Variants in EPHA3 observed in about 807,000 individuals in gnomAD.
The protein encoded by EPHA3 is EPH receptor A3, also known as ephrin type-A receptor 3.
A neutral mutation model predicts 107.1 loss-of-function variants in EPHA3; 42 were observed. That is an observed-to-expected ratio of 0.39 (90% CI 0.31 to 0.51). EPHA3 has a LOEUF of 0.51. Ranked by LOEUF, EPHA3 falls within the 20% of genes least tolerant of loss-of-function variation. The pLI is 0.78. For missense variants in EPHA3, 1,183 were observed against 1,211.2 expected (o/e 0.98, Z 0.35); for synonymous variants, 461 against 424.8 (o/e 1.09, Z -1.05).
At chr3:89,134,154 T>C (rs1704261731) in intron 2 of EPHA3, among the ~76,000 whole-genome samples, 1 of 151,970 alleles carries the variant, frequency 6.6e-6, no homozygotes, top group South Asian at 2.1e-4. Context: ...CAACCTCTTG[T>C]GCAGTTGTAA....
intron 3 of EPHA3, among the ~76,000 whole-genome samples, chr3:89,333,908 C>A (rs1488699415): frequency 6.6e-6 from 1 of 151,900 alleles, no homozygotes; most frequent in Admixed American, 6.6e-5. Flanking sequence ...AACCTCACTG[C>A]AGACTAACAG....
chr3:89,467,755 A>C (rs1012743816), intron 15 of EPHA3, among the ~76,000 whole-genome samples: 1 of 152,194 alleles, frequency 6.6e-6, no homozygotes, highest in Non-Finnish European at 1.5e-5. Flanking sequence ...AAGAGAGAGA[A>C]AGAAAGGGAA....
intron 3 of EPHA3, among the ~76,000 whole-genome samples, chr3:89,317,203 C>T (rs1444213117): frequency 6.6e-6 from 1 of 151,762 alleles, no homozygotes; most frequent in African/African-American, 2.4e-5. Context: ...TTCAAAACAT[C>T]TCAACAATTA....
rs1709959112 is a variant in EPHA3 at position 89,450,234 on chromosome 3, G to T, written c.2554G>T (p.Ala852Ser). Residue 852 changes from alanine (A) to serine (S), a missense_variant, in exon 15 of 17, where the codon GCC becomes TCC. Physicochemically the swap from Ala to Ser is moderately conservative, Grantham distance 99. Coordinates refer to ENST00000336596, the MANE Select transcript of EPHA3 (RefSeq NM_005233.6). ...RLPPPMDCPA[A>S]LYQLMLDCWQ... ...GCCACCCCCCATGGACTGCCCAGCT[G>T]CCTTGTATCAGCTGATGCTGGACTG... 1 of 1,613,736 alleles carries T rather than the reference G, an allele frequency of 6.2e-7. No individual in the cohort carries two copies.
intron 3 of EPHA3, among the ~76,000 whole-genome samples, chr3:89,270,042 G>T (rs954583370): frequency 1.3e-5 from 2 of 151,752 alleles, no homozygotes; most frequent in African/African-American, 2.4e-5. Context: ...CGATGGGGCT[G>T]CCAAAAGGAC....
intron 3 of EPHA3, among the ~76,000 whole-genome samples, chr3:89,318,009 T>G (rs1425868458): frequency 6.6e-6 from 1 of 151,826 alleles, no homozygotes; most frequent in Non-Finnish European, 1.5e-5. Flanking sequence ...AGGTTAGGAA[T>G]GAATTAATTT....
intron 2 of EPHA3, among the ~76,000 whole-genome samples, chr3:89,163,349 T>G (rs191734828): frequency 6.6e-6 from 1 of 152,280 alleles, no homozygotes; most frequent in East Asian, 1.9e-4. Context: ...TTTAGTTTGA[T>G]ACTAAATACT....
At chr3:89,276,789 A>G (rs1360604951) in intron 3 of EPHA3, among the ~76,000 whole-genome samples, 7 of 152,220 alleles carry the variant, frequency 4.6e-5, no homozygotes, top group Non-Finnish European at 5.9e-5. Context: ...GTTTTTCTAT[A>G]GCACTAAAAG....
intron 2 of EPHA3, among the ~76,000 whole-genome samples, chr3:89,171,429 G>T (rs1251398278): frequency 6.6e-6 from 1 of 152,098 alleles, no homozygotes; most frequent in East Asian, 1.9e-4. Flanking sequence ...GTACAATGAA[G>T]CAAGCAATGG....
chr3:89,164,669 AG>A (rs978209313), intron 2 of EPHA3, among the ~76,000 whole-genome samples: 3 of 152,114 alleles, frequency 2.0e-5, no homozygotes, highest in African/African-American at 7.2e-5. Context: ...TGGAGAAAAA[AG>A]ATTAAGTAGG....
At position 89,107,631 on chromosome 3, in the gene EPHA3, T is replaced by C; in HGVS notation, c.-118T>C. On this transcript the variant is annotated 5_prime_UTR_variant, in exon 1 of 17. Transcript: ENST00000336596. ...CTCCTCCTTATCTCCAGTGTCAAAC[T>C]TGACATCAGCCTGCGAGCGGAGCAT... 3.1e-6 allele frequency: 3 copies of C among 970,340 alleles called. No individual in the cohort carries two copies. Among genetic ancestry groups the C allele is most frequent in the Non-Finnish European group, 4.8e-6 (3 of 625,862 alleles). 60.1% of individuals were successfully genotyped at this position (970,340 alleles called of 1,614,324 possible).
chr3:89,459,259 A>G (rs549524894), intron 15 of EPHA3, among the ~76,000 whole-genome samples: 1 of 152,318 alleles, frequency 6.6e-6, no homozygotes, highest in South Asian at 2.1e-4. Context: ...GGAATAATAT[A>G]TATTACATTG....
intron 3 of EPHA3, among the ~76,000 whole-genome samples, chr3:89,323,794 T>A (rs544020894): frequency 6.6e-6 from 1 of 152,248 alleles, no homozygotes; most frequent in Non-Finnish European, 1.5e-5. Flanking sequence ...AATATTTTAT[T>A]GAATTATTTT....
At position 89,367,392 on chromosome 3, in the gene EPHA3, G is replaced by C. The variant is rs189857439; in HGVS notation, c.1306+25302G>C. Among the ~76,000 whole-genome samples the C allele has an allele frequency of 5.0e-4, 75 of 150,596 alleles. 4 individuals are homozygous for C. The highest frequency in any genetic ancestry group is 7.4e-5 in the Non-Finnish European group (5 of 67,156). On this transcript the variant is annotated intron_variant, in intron 5 of 16. Coordinates refer to ENST00000336596, the MANE Select transcript of EPHA3 (RefSeq NM_005233.6). ...AGCTGGCCTCCCGTGTACCCACATAGGAATCAGTTTCTAGCTCTGTCACTG... is the reference window on the plus strand; with the variant it reads ...AGCTGGCCTCCCGTGTACCCACATACGAATCAGTTTCTAGCTCTGTCACTG...
intron 7 of EPHA3, among the ~76,000 whole-genome samples, chr3:89,402,508 A>T (rs115702696): frequency 1.4e-3 from 213 of 151,964 alleles, no homozygotes; most frequent in Non-Finnish European, 2.5e-3. Context: ...AAAAGACAAA[A>T]TTTTTTTTGT....
chr3:89,425,573 T>C (rs1313874204), intron 11 of EPHA3, among the ~76,000 whole-genome samples: 1 of 151,496 alleles, frequency 6.6e-6, no homozygotes, highest in Non-Finnish European at 1.5e-5. Flanking sequence ...GTTAATAGCA[T>C]TTCCATTTGA....
rs141865995 is a variant in EPHA3 at position 89,109,931 on chromosome 3, C to T, written c.88+2095C>T. Among the ~76,000 whole-genome samples the T allele has an allele frequency of 5.3e-5, 8 of 151,972 alleles. No homozygotes were observed. In the East Asian group the frequency reaches 5.8e-4, roughly 11 times the overall value. On this transcript the variant is annotated intron_variant, in intron 1 of 16. Coordinates refer to ENST00000336596, the MANE Select transcript of EPHA3 (RefSeq NM_005233.6). The stretch of plus-strand genomic sequence containing the variant: ...TTAAAACAAATTTAAGATGATTTAA[C>T]TTAGGTAATACTTGAGTGAGATTTT...
intron 11 of EPHA3, among the ~76,000 whole-genome samples, chr3:89,422,157 GA>G (rs1709363810): frequency 6.7e-6 from 1 of 149,238 alleles, no homozygotes; most frequent in Admixed American, 6.7e-5. Flanking sequence ...AGAGGAAATA[GA>G]AACTCCTTAC....
chr3:89,337,347 T>C (rs1707417027), intron 3 of EPHA3, among the ~76,000 whole-genome samples: 1 of 152,198 alleles, frequency 6.6e-6, no homozygotes, highest in Non-Finnish European at 1.5e-5. Context: ...CCATTGAATT[T>C]CTTTGTTATC....
Sources: allele counts gnomAD v4.1 joint callset (sites outside exome capture counted in the v4.1 genomes callset), GRCh38; gene constraint gnomAD v4.1.1; transcripts MANE v1.5; gene names NCBI Gene and HGNC (gene_info 2026-07-23, HGNC 2026-07-21).